The following CCDC74B variants were observed in gnomAD, a reference collection of about 807,000 sequenced individuals.
CCDC74B encodes the protein coiled-coil domain containing 74B.
A neutral mutation model predicts 38.0 loss-of-function variants in CCDC74B; 34 were observed. The ratio of observed to expected loss-of-function variants is 0.89; its 90% CI spans 0.68 to 1.19. The LOEUF is 1.19. Among genes scored for constraint, CCDC74B ranks in the 50% most tolerant of loss-of-function variants. The pLI is 0.00. For missense variants in CCDC74B, 358 were observed against 406.0 expected, an observed-to-expected ratio of 0.88 and a Z score of 1.02; for synonymous variants, 132 against 170.4, an observed-to-expected ratio of 0.77 and a Z score of 1.76.
chr2:130,144,840 G>A lies in CCDC74B; in HGVS notation c.157C>T (p.Leu53=). Residue 53 remains leucine, a synonymous_variant, in exon 1 of 8, where the codon CTG becomes TTG. Transcript: ENST00000409943. ...QSDPQKRNLD[L]EKSLQFLQQQ... ...TGCAGGAACTGTAGGCTCTTCTCCA[G>A]GTCCAGGTTCCGTTTCTGCGGGTCG... 1.9e-6 allele frequency: 3 copies of A among 1,613,580 alleles called. No individual in the cohort carries two copies. Among genetic ancestry groups the A allele is most frequent in the Non-Finnish European group, 2.5e-6 (3 of 1,179,820 alleles).
chr2:130,140,121 G>C, intron 5 of CCDC74B, 25 bp from the exon 6 acceptor site: 1 of 1,612,822 alleles, frequency 6.2e-7, no homozygotes, highest in Non-Finnish European at 8.5e-7. Flanking sequence ...CAGGGGCGTG[G>C]TGGGGCCTGT....
Position 130,141,540 on chromosome 2 carries a change from C to T in CCDC74B, c.347-244G>A, listed in dbSNP as rs545360251. On this transcript the variant is annotated intron_variant, in intron 3 of 7. Transcript: ENST00000409943. Reference sequence around the variant, plus strand: ...GAACAATCAACATAGTGGAAGCTGGCCCCATCTTGGGTAAAATGAAACTGC... The same window carrying T: ...GAACAATCAACATAGTGGAAGCTGGTCCCATCTTGGGTAAAATGAAACTGC... The T allele has an allele frequency of 2.4e-4, 147 of 608,942 alleles. No individual in the cohort carries two copies. The South Asian group carries it at 3.0e-3, about 13-fold the overall frequency. 37.7% of individuals were successfully genotyped at this position (608,942 alleles called of 1,614,324 possible).
rs527648742 is a variant in CCDC74B, at chr2:130,145,104, A to T, written c.-108T>A. On this transcript the variant is annotated 5_prime_UTR_variant, in exon 1 of 8. Transcript: ENST00000409943. ...TGGAAACCGGGCGACGGAGGGCGCC[A>T]GGCGTTTGGCGGGGGCGGGGCCTGT... The T allele has an allele frequency of 5.8e-5, 81 of 1,399,434 alleles. 1 individual carries two copies. The South Asian group carries it at 1.2e-3, about 20-fold the overall frequency. The allele number at this position is 1,399,434 out of a possible 1,614,324, so 86.7% of individuals were successfully genotyped here.
At chr2:130,143,669 G>T (rs1685821339) in intron 1 of CCDC74B, among the ~76,000 whole-genome samples, 1 of 152,210 alleles carries the variant, frequency 6.6e-6, no homozygotes, top group Non-Finnish European at 1.5e-5. Flanking sequence ...CAGGGACTGG[G>T]GGGAGGCTCA....
intron 3 of CCDC74B, chr2:130,141,550 G>C: frequency 3.4e-6 from 2 of 586,104 alleles, no homozygotes; most frequent in Non-Finnish European, 5.8e-6. Flanking sequence ...CCCCATCTTG[G>C]GTAAAATGAA....
intron 2 of CCDC74B, chr2:130,142,912 G>T: frequency 6.4e-7 from 1 of 1,550,392 alleles, no homozygotes; most frequent in Non-Finnish European, 8.7e-7. Context: ...GGAGATCCTG[G>T]GCCTGGCCAC....
chr2:130,143,191 G>A (rs376065440), intron 2 of CCDC74B, 78 bp downstream of exon 2: 1 of 1,565,748 alleles, frequency 6.4e-7, no homozygotes, highest in Non-Finnish European at 8.7e-7. Flanking sequence ...AGTGCAGCCA[G>A]GTGGGCAAGG....
rs1346277789 is a variant in CCDC74B, at chr2:130,141,225, G to A, written c.418C>T (p.Leu140=). ...SKADVPQKAD[L]EEEPLLHNSK... The stretch of plus-strand genomic sequence containing the variant: ...TTGTGAAGTAGGGGCTCCTCTTCCA[G>A]GTCCGCCTTCTGGGGGACGTCAGCT... The change falls in exon 4 of 8, where the codon CTG becomes TTG. Residue 140 remains leucine, a synonymous_variant. Transcript: ENST00000409943. 1.9e-6 allele frequency: 3 copies of A among 1,612,182 alleles called. No individual in the cohort carries two copies. In the African/African-American group the frequency reaches 4.0e-5, roughly 22 times the overall value.
rs187499057 is a variant in CCDC74B, at chr2:130,144,280, C to T, written c.250+467G>A. Reference sequence around the variant, plus strand: ...TCAGCCTCCCGAGTAGCTGGGACTACAGACGCCCACCACCACACCCAGCTA... The same window carrying T: ...TCAGCCTCCCGAGTAGCTGGGACTATAGACGCCCACCACCACACCCAGCTA... On this transcript the variant is annotated intron_variant, in intron 1 of 7. Coordinates refer to ENST00000409943, the MANE Select transcript of CCDC74B (RefSeq NM_001258307.2). 948 of 426,346 alleles carry T rather than the reference C, an allele frequency of 2.2e-3. 4 individuals are homozygous for T. Among genetic ancestry groups the T allele is most frequent in the Non-Finnish European group, 3.6e-3 (805 of 223,532 alleles). The allele number at this position is 426,346 out of a possible 1,614,324, so 26.4% of individuals were successfully genotyped here.
intron 4 of CCDC74B, chr2:130,140,914 G>A (rs1685571829): frequency 2.6e-6 from 1 of 389,136 alleles, no homozygotes; most frequent in East Asian, 4.7e-5. Context: ...CCCCCTCGTG[G>A]GCTCAGGTCA....
intron 2 of CCDC74B, 178 bp downstream of exon 2, chr2:130,143,091 C>T: frequency 6.7e-7 from 1 of 1,487,256 alleles, no homozygotes; most frequent in Non-Finnish European, 9.0e-7. Flanking sequence ...CTGTGCTTGG[C>T]TGCGTAACAT....
intron 2 of CCDC74B, chr2:130,142,895 T>C (rs1388272321): frequency 1.9e-6 from 3 of 1,550,396 alleles, no homozygotes; most frequent in Admixed American, 2.0e-5. Flanking sequence ...CTCAGAGCCA[T>C]AGGGCTGGAG....
In CCDC74B at chr2:130,142,178, G is replaced by C. The variant is rs1685680066; in HGVS notation, c.301C>G (p.Leu101Val). Residue 101 changes from leucine to valine, a missense_variant, in exon 3 of 8, where the codon CTC becomes GTC. Transcript: ENST00000409943. The part of the protein sequence containing the change: ...MNQTSQKKDS[L>V]STSSFQSVKS... ...ACAGACTGGAAGCTTGACGTGGAGA[G>C]GCTGTCTGCAGGAGAGCGCACAGTG... 12 of 1,613,492 alleles carry C rather than the reference G, an allele frequency of 7.4e-6. No homozygotes were observed. The highest frequency in any genetic ancestry group is 3.3e-5 in the Admixed American group (2 of 59,984).
rs530528147 is a variant in CCDC74B, at chr2:130,139,699, G to A, written c.810-9C>T. 44 of 1,612,670 alleles carry A rather than the reference G, an allele frequency of 2.7e-5. No individual in the cohort carries two copies. The East Asian group carries it at 5.8e-4, about 21-fold the overall frequency. ...GTGGGCTCAGAAGCAGGCTGGGGGC[G>A]GGTAGAGGGACTGTCACCGTGAGCA... On this transcript the variant is annotated splice_polypyrimidine_tract_variant and intron_variant, in intron 7 of 7. Coordinates refer to ENST00000409943, the MANE Select transcript of CCDC74B (RefSeq NM_001258307.2).
intron 2 of CCDC74B, chr2:130,142,922 C>T (rs1192552450): frequency 3.9e-6 from 6 of 1,550,176 alleles, no homozygotes; most frequent in Non-Finnish European, 3.5e-6. Flanking sequence ...GGCCTGGCCA[C>T]AGCAGCAATC....
intron 7 of CCDC74B, 48 bp from the exon 8 acceptor site, chr2:130,139,738 A>T (rs747763506): frequency 6.2e-7 from 1 of 1,610,836 alleles, no homozygotes; most frequent in East Asian, 2.2e-5. Flanking sequence ...TCGCGAGTGG[A>T]GTGTGTGGGG....
At position 130,144,860 on chromosome 2, in the gene CCDC74B, G is replaced by T. The variant is rs145189757; in HGVS notation, c.137C>A (p.Pro46Gln). ...CTCCAGGTCCAGGTTCCGTTTCTGC[G>T]GGTCGCTCTGCCTGAGCTGCGGGCT... ...PQSPQLRQSD[P>Q]QKRNLDLEKS... Residue 46 changes from proline (P) to glutamine (Q), a missense_variant, in exon 1 of 8, where the codon CCG (proline) becomes CAG (glutamine). Pro to Gln is a moderately conservative substitution (Grantham distance 76, BLOSUM62 -1). Around this residue, in one of 3 missense-constraint regions of CCDC74B, gnomAD observed 128 missense variants for 146.7 expected, o/e 0.87. Coordinates refer to ENST00000409943, the MANE Select transcript of CCDC74B (RefSeq NM_001258307.2). The T allele has an allele frequency of 6.2e-7, 1 of 1,613,374 alleles. No homozygotes were observed. Among genetic ancestry groups the T allele is most frequent in the African/African-American group, 1.3e-5 (1 of 74,676 alleles).
At position 130,143,329 on chromosome 2, in the gene CCDC74B, C is replaced by T. The variant is rs755726117; in HGVS notation, c.251-16G>A. On this transcript the variant is annotated splice_polypyrimidine_tract_variant and intron_variant, in intron 1 of 7. Coordinates refer to ENST00000409943, the MANE Select transcript of CCDC74B (RefSeq NM_001258307.2). ...TAACGGAGATCTGAAAGCAAGCACACGCTCTCCTCAGCACTTGTGAAACCA... is the reference window on the plus strand; with the variant it reads ...TAACGGAGATCTGAAAGCAAGCACATGCTCTCCTCAGCACTTGTGAAACCA... 23 of 1,613,844 alleles carry T rather than the reference C, an allele frequency of 1.4e-5. No homozygotes were observed. In the African/African-American group the frequency reaches 1.6e-4, roughly 11 times the overall value.
chr2:130,141,218 T>C lies in CCDC74B; in HGVS notation c.425A>G (p.Glu142Gly). The C allele has an allele frequency of 3.1e-6, 5 of 1,612,712 alleles. No homozygotes were observed. Among genetic ancestry groups the C allele is most frequent in the Non-Finnish European group, 4.2e-6 (5 of 1,179,168 alleles). ...CTTGCTGTTGTGAAGTAGGGGCTCC[T>C]CTTCCAGGTCCGCCTTCTGGGGGAC... ...ADVPQKADLE[E>G]EPLLHNSKLD... Residue 142 changes from glutamate to glycine, a missense_variant, in exon 4 of 8, where the codon GAG becomes GGG. Coordinates refer to ENST00000409943, the MANE Select transcript of CCDC74B (RefSeq NM_001258307.2).
Sources: allele counts gnomAD v4.1 joint callset (sites outside exome capture counted in the v4.1 genomes callset), GRCh38; gene constraint gnomAD v4.1.1; regional missense constraint gnomAD v4.1.1; transcripts MANE v1.5; gene names NCBI Gene and HGNC (gene_info 2026-07-23, HGNC 2026-07-21).